EVI5: variants seen among roughly 807,000 people sequenced by gnomAD.
EVI5 encodes ecotropic viral integration site 5 protein homolog.
In EVI5, 73 loss-of-function variants were observed where a neutral mutation model predicts 112.0. The observed-to-expected ratio is 0.65, with a 90% confidence interval of 0.54 to 0.79. EVI5 has a LOEUF of 0.79. Among genes scored for constraint, EVI5 ranks in the 30% least tolerant of loss-of-function variants. EVI5 has a pLI of 0.00. For missense variants in EVI5, 900 were observed against 968.8 expected (o/e 0.93, Z 0.94); for synonymous variants, 305 against 319.9 (o/e 0.95, Z 0.50).
chr1:92,730,500 A>T (rs1676274393), intron 2 of EVI5, among the ~76,000 whole-genome samples: 1 of 151,472 alleles, frequency 6.6e-6, no homozygotes, highest in Non-Finnish European at 1.5e-5. Context: ...ACGAAGCAAG[A>T]CCCCGTCTCT....
At chr1:92,567,220 CTAAG>C (rs976349421) in intron 18 of EVI5, among the ~76,000 whole-genome samples, 2 of 151,534 alleles carry the variant, frequency 1.3e-5, no homozygotes, top group African/African-American at 4.9e-5. Context: ...TATATTTAAA[CTAAG>C]TGTTATTATA....
chr1:92,614,859 T>A (rs1446859155), intron 16 of EVI5, among the ~76,000 whole-genome samples: 1 of 7,792 alleles, frequency 1.3e-4, no homozygotes, highest in Non-Finnish European at 2.0e-4. Context: ...TATATATATA[T>A]ATATATATAT....
chr1:92,653,321 G>A (rs537014990), intron 13 of EVI5, among the ~76,000 whole-genome samples: 7 of 152,324 alleles, frequency 4.6e-5, no homozygotes, highest in African/African-American at 1.2e-4. Context: ...AGAAGAACAA[G>A]TATTGCACGC....
intron 1 of EVI5, among the ~76,000 whole-genome samples, chr1:92,780,121 T>A (rs956747767): frequency 6.6e-6 from 1 of 152,184 alleles, no homozygotes; most frequent in African/African-American, 2.4e-5. Context: ...TGATAGTGAG[T>A]GAGTTCTCAC....
In EVI5 at chr1:92,526,727, G is replaced by T. The variant is rs72722478; in HGVS notation, c.2167-12757C>A. Reference sequence around the variant, plus strand: ...AGGGATGAACAGGTGGAACACAGGGGATTGTTAGGCAGTGCAACCATTTTG... The same window carrying T: ...AGGGATGAACAGGTGGAACACAGGGTATTGTTAGGCAGTGCAACCATTTTG... On this transcript the variant is annotated intron_variant, in intron 19 of 19. Coordinates refer to ENST00000684568, the MANE Select transcript of EVI5 (RefSeq NM_001350197.2). Among the ~76,000 whole-genome samples the T allele has an allele frequency of 2.0e-5, 3 of 152,206 alleles. No individual in the cohort carries two copies. In the East Asian group the frequency reaches 5.8e-4, roughly 29 times the overall value.
chr1:92,645,387 A>C (rs1356982540), intron 13 of EVI5, among the ~76,000 whole-genome samples: 1 of 152,108 alleles, frequency 6.6e-6, no homozygotes, highest in Non-Finnish European at 1.5e-5. Context: ...GTTGTAATTA[A>C]AATATTATGT....
intron 19 of EVI5, among the ~76,000 whole-genome samples, chr1:92,534,175 T>C (rs1206750130): frequency 1.3e-5 from 2 of 152,128 alleles, no homozygotes; most frequent in Non-Finnish European, 2.9e-5. Context: ...TGAACTCCCA[T>C]TCATAACTAC....
intron 1 of EVI5, among the ~76,000 whole-genome samples, chr1:92,761,968 A>C (rs556360695): frequency 5.7e-4 from 87 of 152,358 alleles, no homozygotes; most frequent in Admixed American, 9.1e-4. Flanking sequence ...AAAATGGAAT[A>C]TAGGTTTTAA....
chr1:92,550,815 A>ATATATATAT (rs1557766729), intron 19 of EVI5, among the ~76,000 whole-genome samples: 10 of 90,256 alleles, frequency 1.1e-4, no homozygotes, highest in African/African-American at 4.5e-4. Context: ...TATATATATA[A>ATATATATAT]CAAAAAAAAC....
intron 19 of EVI5, among the ~76,000 whole-genome samples, chr1:92,552,899 T>A (rs566964583): frequency 5.9e-4 from 89 of 152,066 alleles, no homozygotes; most frequent in African/African-American, 2.0e-3. Context: ...TCCTACTAGA[T>A]CTTTGTGTTC....
At chr1:92,527,260 C>CA (rs1662037835) in intron 19 of EVI5, among the ~76,000 whole-genome samples, 1 of 151,506 alleles carries the variant, frequency 6.6e-6, no homozygotes, top group Non-Finnish European at 1.5e-5. Flanking sequence ...ACTAAAAACA[C>CA]AAAAATCAGC....
chr1:92,635,804 A>G (rs1165113318), intron 14 of EVI5, among the ~76,000 whole-genome samples: 1 of 152,184 alleles, frequency 6.6e-6, no homozygotes, highest in Non-Finnish European at 1.5e-5. Context: ...ACCCGCTCAG[A>G]TGAAATTTTC....
At chr1:92,699,142 T>G (rs1338325392) in intron 5 of EVI5, among the ~76,000 whole-genome samples, 2 of 152,100 alleles carry the variant, frequency 1.3e-5, no homozygotes, top group Non-Finnish European at 2.9e-5. Context: ...GAGTCACTCT[T>G]GGCAAAACCT....
chr1:92,569,993 G>A (rs1670081864), intron 18 of EVI5, among the ~76,000 whole-genome samples: 1 of 151,846 alleles, frequency 6.6e-6, no homozygotes, highest in African/African-American at 2.4e-5. Flanking sequence ...CTTGGCTCTG[G>A]ACTTACTCCA....
intron 2 of EVI5, among the ~76,000 whole-genome samples, chr1:92,725,764 T>C (rs1675476686): frequency 6.7e-6 from 1 of 149,428 alleles, no homozygotes. Flanking sequence ...AAGAAAAGCA[T>C]AACCAATAAT....
At chr1:92,598,011 A>G (rs1046938354) in intron 18 of EVI5, among the ~76,000 whole-genome samples, 4 of 152,160 alleles carry the variant, frequency 2.6e-5, no homozygotes, top group Non-Finnish European at 5.9e-5. Flanking sequence ...GTGAGCTATG[A>G]TCACACCACT....
intron 1 of EVI5, among the ~76,000 whole-genome samples, chr1:92,783,829 AAAG>A (rs1461507293): frequency 2.7e-5 from 4 of 150,864 alleles, no homozygotes; most frequent in East Asian, 1.9e-4. Flanking sequence ...AAAAAAAAGA[AAAG>A]AAAAGAAAAA....
chr1:92,619,107 C>G (rs1653913489), intron 16 of EVI5, among the ~76,000 whole-genome samples: 2 of 151,988 alleles, frequency 1.3e-5, no homozygotes, highest in Non-Finnish European at 2.9e-5. Flanking sequence ...AGTTAGTATC[C>G]AAGATCAATA....
chr1:92,634,367 T>G lies in EVI5; in HGVS notation c.1527+1835A>C, dbSNP rs564646784. On this transcript the variant is annotated intron_variant, in intron 14 of 19. Coordinates refer to ENST00000684568, the MANE Select transcript of EVI5 (RefSeq NM_001350197.2). ...ACATAGTCCCATATTTCTTGGAGACTTTTTTCGTTTCTTTTTATTCTTTTT... is the reference window on the plus strand; with the variant it reads ...ACATAGTCCCATATTTCTTGGAGACGTTTTTCGTTTCTTTTTATTCTTTTT... 2.2e-3 allele frequency among the ~76,000 whole-genome samples: 339 copies of G among 152,322 alleles called. 1 individual carries two copies. Among genetic ancestry groups the G allele is most frequent in the Non-Finnish European group, 4.1e-3 (278 of 68,028 alleles).
Sources: allele counts gnomAD v4.1 joint callset (sites outside exome capture counted in the v4.1 genomes callset), GRCh38; gene constraint gnomAD v4.1.1; transcripts MANE v1.5; gene names NCBI Gene and HGNC (gene_info 2026-07-23, HGNC 2026-07-21).